GRM7: variants seen among roughly 807,000 people sequenced by gnomAD.
GRM7 encodes metabotropic glutamate receptor 7.
GRM7 carries 35 observed loss-of-function variants against 84.5 expected under a neutral mutation model. The ratio of observed to expected loss-of-function variants is 0.41; its 90% CI spans 0.32 to 0.55. The LOEUF (loss-of-function observed/expected upper bound fraction) is 0.55. GRM7 is among the 20% of genes least tolerant of loss of function. The pLI, the probability that GRM7 is intolerant of heterozygous loss-of-function variation, is 0.19. For synonymous variants in GRM7, 487 were observed against 455.1 expected (o/e 1.07, Z -0.89); for missense variants, 1,003 against 1,194.6 (o/e 0.84, Z 2.36).
At chr3:7,296,508 G>A (rs1699819802) in intron 2 of GRM7, among the ~76,000 whole-genome samples, 1 of 151,996 alleles carries the variant, frequency 6.6e-6, no homozygotes, top group Non-Finnish European at 1.5e-5. Context: ...ATCTGAGCCT[G>A]AATCTTTATT....
chr3:7,646,576 C>T (rs1406899920), intron 8 of GRM7, among the ~76,000 whole-genome samples: 1 of 152,112 alleles, frequency 6.6e-6, no homozygotes, highest in Non-Finnish European at 1.5e-5. Flanking sequence ...TTGTTAGTGC[C>T]ATGCAGTACA....
chr3:7,498,251 A>G (rs904751996), intron 7 of GRM7, among the ~76,000 whole-genome samples: 8 of 152,118 alleles, frequency 5.3e-5, no homozygotes, highest in African/African-American at 1.7e-4. Context: ...TATGAAAGTG[A>G]CTTATTGAAT....
At chr3:7,271,454 G>A (rs968644875) in intron 2 of GRM7, among the ~76,000 whole-genome samples, 2 of 151,764 alleles carry the variant, frequency 1.3e-5, no homozygotes, top group African/African-American at 4.8e-5. Context: ...AGCTACTCGG[G>A]AGGCTGAGGC....
intron 1 of GRM7, among the ~76,000 whole-genome samples, chr3:6,918,023 T>C (rs1287021191): frequency 6.6e-6 from 1 of 152,188 alleles, no homozygotes; most frequent in Non-Finnish European, 1.5e-5. Context: ...AAAGGTCCTT[T>C]TTAAGCAGTC....
intron 5 of GRM7, among the ~76,000 whole-genome samples, chr3:7,435,546 C>G (rs1206766755): frequency 1.3e-5 from 2 of 151,982 alleles, no homozygotes; most frequent in Admixed American, 1.3e-4. Flanking sequence ...GAGTTTCACT[C>G]TTGTCACCCA....
intron 9 of GRM7, among the ~76,000 whole-genome samples, chr3:7,729,869 CT>C (rs1168461157): frequency 9.1e-4 from 64 of 69,964 alleles, no homozygotes; most frequent in South Asian, 4.5e-3. Flanking sequence ...CCACCTCCGG[CT>C]TTTTTTTTTT....
intron 1 of GRM7, among the ~76,000 whole-genome samples, chr3:6,987,716 A>G (rs1165096136): frequency 6.6e-6 from 1 of 152,194 alleles, no homozygotes; most frequent in Admixed American, 6.5e-5. Context: ...GGAAAGTTGT[A>G]TGACCTGCTT....
At chr3:7,199,218 G>A (rs1376366911) in intron 2 of GRM7, among the ~76,000 whole-genome samples, 1 of 152,130 alleles carries the variant, frequency 6.6e-6, no homozygotes, top group African/African-American at 2.4e-5. Flanking sequence ...TTCTCTCTTG[G>A]GAATCTGTTC....
At chr3:7,352,194 G>A (rs985911124) in intron 4 of GRM7, among the ~76,000 whole-genome samples, 2 of 151,628 alleles carry the variant, frequency 1.3e-5, no homozygotes, top group Non-Finnish European at 2.9e-5. Context: ...CATATAAAAG[G>A]TTCTACTTTT....
intron 7 of GRM7, among the ~76,000 whole-genome samples, chr3:7,550,573 CTCTCTGTGTGTGTG>C (rs1370936126): frequency 1.3e-4 from 8 of 60,672 alleles, no homozygotes; most frequent in Non-Finnish European, 2.2e-4. Context: ...CTCTCTCTCT[CTCTCTGTGTGTGTG>C]TGTGTGTGTG....
intron 1 of GRM7, among the ~76,000 whole-genome samples, chr3:6,939,013 T>G (rs1300792050): frequency 6.6e-6 from 1 of 152,232 alleles, no homozygotes; most frequent in Non-Finnish European, 1.5e-5. Context: ...CTTGCTTAAA[T>G]GTATAAGCAG....
intron 1 of GRM7, among the ~76,000 whole-genome samples, chr3:7,037,964 G>C (rs1347914817): frequency 1.3e-5 from 2 of 152,048 alleles, no homozygotes; most frequent in Non-Finnish European, 2.9e-5. Context: ...AATTTAAATA[G>C]TCTAATTGCT....
intron 7 of GRM7, among the ~76,000 whole-genome samples, chr3:7,532,436 A>C (rs1439454037): frequency 6.6e-6 from 1 of 152,046 alleles, no homozygotes; most frequent in East Asian, 1.9e-4. Flanking sequence ...CTCTGATGGT[A>C]GTTTGTATTT....
chr3:6,873,303 C>T (rs1234236968), intron 1 of GRM7, among the ~76,000 whole-genome samples: 2 of 152,130 alleles, frequency 1.3e-5, no homozygotes, highest in African/African-American at 2.4e-5. Flanking sequence ...GAACTCCTGA[C>T]CTCAGGTGAT....
At chr3:7,378,183 A>G (rs927180190) in intron 4 of GRM7, among the ~76,000 whole-genome samples, 1 of 152,172 alleles carries the variant, frequency 6.6e-6, no homozygotes, top group African/African-American at 2.4e-5. Flanking sequence ...ACACTCCTAG[A>G]TTTCTAGAGA....
In GRM7 at chr3:6,901,604, T is replaced by TAAAAAAAAAA. The variant is rs33945077; in HGVS notation, c.519+39721_519+39730dup. The stretch of plus-strand genomic sequence containing the variant: ...CCTGGTGACAGAGCAAGACTCCGTC[T>TAAAAAAAAAA]AAAAAAAAAAAAAAAAAAAAAAAAA... On this transcript the variant is annotated intron_variant, in intron 1 of 9. Coordinates refer to ENST00000357716, the MANE Select transcript of GRM7 (RefSeq NM_000844.4). Among the ~76,000 whole-genome samples the TAAAAAAAAAA allele has an allele frequency of 1.2e-3, 50 of 40,500 alleles. 3 individuals carry two copies. Among genetic ancestry groups the TAAAAAAAAAA allele is most frequent in the East Asian group, 2.3e-3 (1 of 444 alleles). 26.6% of individuals were successfully genotyped at this position (40,500 alleles called of 152,430 possible).
At chr3:7,466,886 T>G (rs17718789) in intron 7 of GRM7, among the ~76,000 whole-genome samples, 28,312 of 152,172 alleles carry the variant, frequency 0.19, 2,755 homozygotes, top group South Asian at 0.38. Flanking sequence ...TTCACACCTA[T>G]AGACTAAAAA....
intron 1 of GRM7, among the ~76,000 whole-genome samples, chr3:7,029,738 C>T (rs1696122883): frequency 1.3e-5 from 2 of 152,082 alleles, no homozygotes; most frequent in South Asian, 4.1e-4. Context: ...TTTTAATGAG[C>T]ACAGCATTTC....
At chr3:6,916,099 GTTCT>G (rs1464006169) in intron 1 of GRM7, among the ~76,000 whole-genome samples, 1 of 152,134 alleles carries the variant, frequency 6.6e-6, no homozygotes, top group African/African-American at 2.4e-5. Context: ...ATATTTATTT[GTTCT>G]TACAAAGTCC....
Sources: allele counts gnomAD v4.1 joint callset (sites outside exome capture counted in the v4.1 genomes callset), GRCh38; gene constraint gnomAD v4.1.1; transcripts MANE v1.5; gene names NCBI Gene and HGNC (gene_info 2026-07-23, HGNC 2026-07-21).